The following SYT17 variants were observed in gnomAD, a reference collection of about 807,000 sequenced individuals.
The protein encoded by SYT17 is synaptotagmin-17.
Under a neutral mutation model 46.7 loss-of-function variants are expected in SYT17, and 22 were observed. The observed-to-expected ratio is 0.47, with a 90% CI of 0.34 to 0.67. The LOEUF is 0.67. SYT17 is among the 30% of genes least tolerant of loss of function. The pLI, the probability that SYT17 is intolerant of heterozygous loss-of-function variation, is 0.01. For missense variants in SYT17, 519 were observed against 612.8 expected, an observed-to-expected ratio of 0.85 and a Z score of 1.62; for synonymous variants, 251 against 248.4, an observed-to-expected ratio of 1.01 and a Z score of -0.10.
chr16:19,213,423 G>A (rs1213022982), intron 5 of SYT17, among the ~76,000 whole-genome samples: 1 of 152,204 alleles, frequency 6.6e-6, no homozygotes. Flanking sequence ...TTTACAGAGT[G>A]GGTAGTAGAT....
chr16:19,173,496 T>C lies in SYT17; in HGVS notation c.100T>C (p.Cys34Arg), dbSNP rs1167034676. 6.2e-7 allele frequency: 1 copy of C among 1,612,718 alleles called. No individual in the cohort carries two copies. The highest frequency in any genetic ancestry group is 8.5e-7 in the Non-Finnish European group (1 of 1,179,806). ...GACCTGCCGGCACTGCTGTCAGAAG[T>C]GCTACGAGTCCAGCTGTTGCCAGTC... ...RWTCRHCCQK[C>R]YESSCCQSSE... The change falls in exon 3 of 8, where the codon TGC becomes CGC. Residue 34 changes from cysteine (C) to arginine (R), a missense_variant. Cys to Arg is a radical substitution (Grantham distance 180). Coordinates refer to ENST00000355377, the MANE Select transcript of SYT17 (RefSeq NM_016524.4).
intron 7 of SYT17, among the ~76,000 whole-genome samples, chr16:19,239,830 G>A (rs1966959168): frequency 6.6e-6 from 1 of 152,198 alleles, no homozygotes; most frequent in Admixed American, 6.5e-5. Flanking sequence ...GAAGAGACTG[G>A]AGCAGAGTAG....
chr16:19,180,627 G>A, intron 4 of SYT17, 88 bp downstream of exon 4: 1 of 1,528,516 alleles, frequency 6.5e-7, no homozygotes, highest in Non-Finnish European at 8.9e-7. Flanking sequence ...CAGTGTTATT[G>A]CTGGGGGAGG....
intron 6 of SYT17, 97 bp from the exon 7 acceptor site, chr16:19,224,586 T>A (rs1453745593): frequency 7.2e-7 from 1 of 1,380,786 alleles, no homozygotes; most frequent in Admixed American, 1.9e-5. Flanking sequence ...AATGGAGGAA[T>A]AAAAAGACAG....
chr16:19,215,021 C>T (rs541650482), intron 5 of SYT17, among the ~76,000 whole-genome samples: 1 of 152,230 alleles, frequency 6.6e-6, no homozygotes, highest in East Asian at 1.9e-4. Context: ...CTCCCGACCT[C>T]AAGTGATCTG....
intron 5 of SYT17, among the ~76,000 whole-genome samples, chr16:19,190,902 A>G (rs1964991674): frequency 6.6e-6 from 1 of 151,892 alleles, no homozygotes; most frequent in Non-Finnish European, 1.5e-5. Flanking sequence ...TATTATAAAT[A>G]ATACTGCTAT....
chr16:19,231,521 C>CA (rs1435399589), intron 7 of SYT17, among the ~76,000 whole-genome samples: 1 of 13,490 alleles, frequency 7.4e-5, no homozygotes, highest in African/African-American at 3.0e-4. Flanking sequence ...GAAACTCCAT[C>CA]ACAAAAAAAA....
At position 19,218,034 on chromosome 16, in the gene SYT17, G is replaced by C. The variant is rs569320974; in HGVS notation, c.952-5011G>C. Among the ~76,000 whole-genome samples the C allele has an allele frequency of 2.6e-5, 4 of 152,268 alleles. No individual in the cohort carries two copies. The South Asian group carries it at 8.3e-4, about 32-fold the overall frequency. ...CTTGTTCTTTTTGTTTATGATATATGATCTGGAGCAAGTCATGCAGCTCAA... is the reference window on the plus strand; with the variant it reads ...CTTGTTCTTTTTGTTTATGATATATCATCTGGAGCAAGTCATGCAGCTCAA... On this transcript the variant is annotated intron_variant, in intron 5 of 7. Coordinates refer to ENST00000355377, the MANE Select transcript of SYT17 (RefSeq NM_016524.4).
intron 5 of SYT17, among the ~76,000 whole-genome samples, chr16:19,209,715 C>CAA (rs150786893): frequency 0.11 from 15,588 of 140,652 alleles, 2,455 homozygotes; most frequent in African/African-American, 0.35. Flanking sequence ...CTAAAAAATA[C>CAA]AAAAAAAAAA....
intron 5 of SYT17, among the ~76,000 whole-genome samples, chr16:19,219,568 G>A (rs1271732396): frequency 6.6e-6 from 1 of 152,122 alleles, no homozygotes; most frequent in Non-Finnish European, 1.5e-5. Flanking sequence ...CTGCATTGAG[G>A]CGGAACTTAC....
chr16:19,252,458 C>T (rs764086518), intron 7 of SYT17, among the ~76,000 whole-genome samples: 1 of 5,798 alleles, frequency 1.7e-4, no homozygotes, highest in Non-Finnish European at 2.4e-4. Context: ...CACATATATA[C>T]ATATATATAT....
intron 5 of SYT17, among the ~76,000 whole-genome samples, chr16:19,201,878 A>C (rs1965481168): frequency 6.6e-6 from 1 of 152,126 alleles, no homozygotes; most frequent in African/African-American, 2.4e-5. Flanking sequence ...ACTGTGTGAC[A>C]TTGGGGAAGT....
intron 7 of SYT17, among the ~76,000 whole-genome samples, chr16:19,232,185 G>A (rs1966723777): frequency 6.6e-6 from 1 of 152,162 alleles, no homozygotes; most frequent in Admixed American, 6.5e-5. Context: ...CAGGGCATAG[G>A]CTTAGAGGGG....
chr16:19,201,007 C>T (rs2142735089), intron 5 of SYT17, among the ~76,000 whole-genome samples: 1 of 152,244 alleles, frequency 6.6e-6, no homozygotes, highest in Non-Finnish European at 1.5e-5. Flanking sequence ...TCCGACTCCC[C>T]ACCACCCAGG....
Position 19,180,434 on chromosome 16 carries a change from AC to A in SYT17, c.227del (p.Thr76ArgfsTer7). On this transcript the variant is annotated frameshift_variant, in exon 4 of 8. Transcript: ENST00000355377. LOFTEE classifies it high-confidence loss of function. ...TGACAAGGATGGTGACTCTGTCCAC[AC>A]GGCCAGCGAAGTCCCGCTGACCCCA... ...SSDKDGDSVHTASEVPLTPRT... is the reference protein window; with the variant it reads ...SSDKDGDSVHXASEVPLTPRT... 1 of 1,614,210 alleles carries A rather than the reference AC, an allele frequency of 6.2e-7. No individual in the cohort carries two copies. Among genetic ancestry groups the A allele is most frequent in the Non-Finnish European group, 8.5e-7 (1 of 1,180,024 alleles).
At chr16:19,186,344 C>T (rs2142616515) in intron 5 of SYT17, among the ~76,000 whole-genome samples, 1 of 151,360 alleles carries the variant, frequency 6.6e-6, no homozygotes, top group East Asian at 1.9e-4. Context: ...ATTAGCCAGG[C>T]ATGGTGGCAT....
intron 4 of SYT17, among the ~76,000 whole-genome samples, chr16:19,182,320 C>T (rs942554059): frequency 4.6e-5 from 7 of 152,110 alleles, no homozygotes; most frequent in African/African-American, 1.7e-4. Context: ...GAGGCTGAGC[C>T]ATGAGATTCA....
chr16:19,192,623 G>A (rs997775359), intron 5 of SYT17, among the ~76,000 whole-genome samples: 4 of 152,128 alleles, frequency 2.6e-5, no homozygotes, highest in African/African-American at 7.2e-5. Context: ...AAGAAGTACC[G>A]GTGCCAGTTA....
rs1963966714 is a variant in SYT17 at position 19,168,791 on chromosome 16, C to A, written c.15+130C>A. On this transcript the variant is annotated intron_variant, in intron 1 of 7. Coordinates refer to ENST00000355377, the MANE Select transcript of SYT17 (RefSeq NM_016524.4). The surrounding 1 kb of genome is among the most constrained non-coding windows in gnomAD (Gnocchi z 6.9). ...AACTTGCTTCGAGAAAAAGGGTGCC[C>A]GTGCGCGGGCAACCTGTGCAGCAAC... The A allele has an allele frequency of 8.3e-7, 1 of 1,210,610 alleles. No individual in the cohort carries two copies. The highest frequency in any genetic ancestry group is 1.1e-6 in the Non-Finnish European group (1 of 901,398). The allele number at this position is 1,210,610 out of a possible 1,614,324, so 75.0% of individuals were successfully genotyped here.
Sources: allele counts gnomAD v4.1 joint callset (sites outside exome capture counted in the v4.1 genomes callset), GRCh38; gene constraint gnomAD v4.1.1; non-coding constraint Gnocchi (gnomAD v3.1); transcripts MANE v1.5; gene names NCBI Gene and HGNC (gene_info 2026-07-23, HGNC 2026-07-21).